The following AMTN variants were observed in gnomAD, a reference collection of about 807,000 sequenced individuals.
The protein encoded by AMTN is amelotin.
In AMTN, 29 loss-of-function variants were observed where a neutral mutation model predicts 27.4. The observed-to-expected ratio is 1.06, with a 90% CI of 0.79 to 1.44. The LOEUF (loss-of-function observed/expected upper bound fraction) is 1.44. Ranked by LOEUF, AMTN falls within the 40% of genes most tolerant of loss-of-function variation. AMTN has a pLI of 0.00. For synonymous variants in AMTN, 86 were observed against 95.7 expected (o/e 0.90, Z 0.59); for missense variants, 247 against 248.8 (o/e 0.99, Z 0.05).
intron 2 of AMTN, among the ~76,000 whole-genome samples, chr4:70,522,040 C>T (rs975783552): frequency 6.6e-6 from 1 of 152,174 alleles, no homozygotes; most frequent in Non-Finnish European, 1.5e-5. Context: ...CCTGTGCCTT[C>T]CAGGATGCCT....
At chr4:70,528,105 T>G (rs1005110762) in intron 5 of AMTN, among the ~76,000 whole-genome samples, 1 of 152,216 alleles carries the variant, frequency 6.6e-6, no homozygotes. Flanking sequence ...ATTTTAACAT[T>G]ATTGTTACTT....
intron 4 of AMTN, among the ~76,000 whole-genome samples, chr4:70,524,373 G>T (rs1329834478): frequency 6.6e-6 from 1 of 152,192 alleles, no homozygotes; most frequent in Admixed American, 6.5e-5. Context: ...GAATATCTGT[G>T]TAATCTGTTT....
chr4:70,522,630 C>G (rs968538316), intron 2 of AMTN, 125 bp from the exon 3 acceptor site: 1 of 911,266 alleles, frequency 1.1e-6, no homozygotes, highest in African/African-American at 1.6e-5. Context: ...GGGAATCAAA[C>G]TCCTCTAAAA....
intron 5 of AMTN, among the ~76,000 whole-genome samples, chr4:70,528,254 G>C (rs1736139815): frequency 6.6e-6 from 1 of 151,864 alleles, no homozygotes; most frequent in African/African-American, 2.4e-5. Context: ...TTTACAAATT[G>C]GAAAAGTTCC....
rs767938897 is a variant in AMTN at position 70,522,839 on chromosome 4, G to C, written c.138+1G>C. ...ACCAAACCAACAGCAGTCAAATCAG[G>C]TAAGAGTCCTACAATATGGAACATG... On this transcript the variant is annotated splice_donor_variant, in intron 3 of 8. Transcript: ENST00000339336. LOFTEE classifies it high-confidence loss of function. 1.2e-6 allele frequency: 2 copies of C among 1,613,714 alleles called. No individual in the cohort carries two copies. The highest frequency in any genetic ancestry group is 1.1e-5 in the South Asian group (1 of 91,078).
chr4:70,523,632 T>C (rs1218584718), intron 3 of AMTN, among the ~76,000 whole-genome samples: 2 of 152,148 alleles, frequency 1.3e-5, no homozygotes, highest in Admixed American at 6.5e-5. Flanking sequence ...GAAATAACAG[T>C]AAATCACAAA....
In AMTN at chr4:70,522,841, AAG is replaced by A; in HGVS notation, c.138+6_138+7del. Reference sequence around the variant, plus strand: ...CAAACCAACAGCAGTCAAATCAGGTAAGAGTCCTACAATATGGAACATGTACA... The same window carrying A: ...CAAACCAACAGCAGTCAAATCAGGTAAGTCCTACAATATGGAACATGTACA... On this transcript the variant is annotated splice_donor_5th_base_variant and intron_variant, in intron 3 of 8. Transcript: ENST00000339336. 6.2e-7 allele frequency: 1 copy of A among 1,613,588 alleles called. No homozygotes were observed. Among genetic ancestry groups the A allele is most frequent in the Non-Finnish European group, 8.5e-7 (1 of 1,179,564 alleles).
chr4:70,519,607 C>G (rs972437820), intron 2 of AMTN, among the ~76,000 whole-genome samples: 7 of 152,036 alleles, frequency 4.6e-5, no homozygotes, highest in African/African-American at 1.7e-4. Flanking sequence ...TTTCTATATG[C>G]CAGACATTGT....
chr4:70,527,556 T>C (rs1206566971), intron 5 of AMTN, among the ~76,000 whole-genome samples: 1 of 152,192 alleles, frequency 6.6e-6, no homozygotes, highest in Non-Finnish European at 1.5e-5. Flanking sequence ...TTTTAATAAA[T>C]GTACGTAATT....
intron 2 of AMTN, among the ~76,000 whole-genome samples, chr4:70,522,510 A>G (rs1272430345): frequency 6.6e-6 from 1 of 152,128 alleles, no homozygotes; most frequent in African/African-American, 2.4e-5. Context: ...CCACCACAAG[A>G]CATCCCATCT....
In AMTN at chr4:70,532,740, C is replaced by T. The variant is rs1736251530; in HGVS notation, c.*275C>T. 3.0e-6 allele frequency: 1 copy of T among 333,596 alleles called. No homozygotes were observed. The highest frequency in any genetic ancestry group is 5.4e-6 in the Non-Finnish European group (1 of 185,302). The allele number at this position is 333,596 out of a possible 1,614,324, so 20.7% of individuals were successfully genotyped here. ...TGCATATTAAAACATATTTGGAAAA[C>T]TGACTCTTTTTCTTCTTTGGAGATG... On this transcript the variant is annotated 3_prime_UTR_variant, in exon 9 of 9. Coordinates refer to ENST00000339336, the MANE Select transcript of AMTN (RefSeq NM_212557.4).
chr4:70,528,509 G>T (rs912270782), intron 5 of AMTN, among the ~76,000 whole-genome samples: 7 of 151,978 alleles, frequency 4.6e-5, no homozygotes, highest in African/African-American at 1.7e-4. Context: ...AATTAACTGG[G>T]CATAGTAGCA....
chr4:70,522,670 G>A, intron 2 of AMTN, 85 bp from the exon 3 acceptor site: 1 of 1,239,638 alleles, frequency 8.1e-7, no homozygotes, highest in Non-Finnish European at 1.2e-6. Flanking sequence ...AGACATGTTT[G>A]CATTGGTGGC....
intron 8 of AMTN, 55 bp downstream of exon 8, chr4:70,531,355 T>G (rs1736220395): frequency 6.2e-6 from 10 of 1,601,874 alleles, no homozygotes; most frequent in Non-Finnish European, 8.5e-6. Context: ...ATCTGCAGAA[T>G]GGAAAAGAGG....
At chr4:70,520,574 C>A (rs932214981) in intron 2 of AMTN, among the ~76,000 whole-genome samples, 5 of 152,162 alleles carry the variant, frequency 3.3e-5, no homozygotes, top group African/African-American at 1.2e-4. Flanking sequence ...TTATTGAGTT[C>A]TTACTATATG....
rs763143860 is a variant in AMTN, at chr4:70,521,640, C to CTTTTTTTTTTTTTTTTTTTTTTTTTTT, written c.55-1105_55-1079dup. Among the ~76,000 whole-genome samples the CTTTTTTTTTTTTTTTTTTTTTTTTTTT allele has an allele frequency of 6.5e-5, 5 of 76,468 alleles. 1 individual carries two copies. Among genetic ancestry groups the CTTTTTTTTTTTTTTTTTTTTTTTTTTT allele is most frequent in the African/African-American group, 1.2e-4 (2 of 16,984 alleles). The allele number at this position is 76,468 out of a possible 152,430, so 50.2% of individuals were successfully genotyped here. A position where few individuals can be genotyped will look rare whatever the true frequency, so the allele number is the denominator to read the frequency against. ...CCTAGAACAGATAATACCAACCTCT[C>CTTTTTTTTTTTTTTTTTTTTTTTTTTT]TTTTTTTTTTTTTTTTTTTTTTTTT... On this transcript the variant is annotated intron_variant, in intron 2 of 8. Coordinates refer to ENST00000339336, the MANE Select transcript of AMTN (RefSeq NM_212557.4).
chr4:70,528,499 A>T (rs1296300533), intron 5 of AMTN, among the ~76,000 whole-genome samples: 5 of 152,086 alleles, frequency 3.3e-5, no homozygotes, highest in African/African-American at 9.7e-5. Flanking sequence ...AAATATAAAA[A>T]ATTAACTGGG....
intron 2 of AMTN, 69 bp from the exon 3 acceptor site, chr4:70,522,686 G>A (rs1461930843): frequency 1.4e-6 from 2 of 1,468,960 alleles, no homozygotes; most frequent in East Asian, 4.5e-5. Context: ...GTGGCAACCT[G>A]GATATAAATG....
intron 2 of AMTN, among the ~76,000 whole-genome samples, chr4:70,519,133 T>C (rs1254461471): frequency 1.3e-5 from 2 of 152,214 alleles, no homozygotes; most frequent in Non-Finnish European, 2.9e-5. Context: ...GATTATTTTA[T>C]TTTCCAAAAA....
Sources: allele counts gnomAD v4.1 joint callset (sites outside exome capture counted in the v4.1 genomes callset), GRCh38; gene constraint gnomAD v4.1.1; transcripts MANE v1.5; gene names NCBI Gene and HGNC (gene_info 2026-07-23, HGNC 2026-07-21).